Variants in ARAP2 observed in about 807,000 individuals in gnomAD.
The protein encoded by ARAP2 is ArfGAP with RhoGAP domain, ankyrin repeat and PH domain 2.
ARAP2 carries 148 observed loss-of-function variants against 194.5 expected under a neutral mutation model. The ratio of observed to expected loss-of-function variants is 0.76; its 90% confidence interval spans 0.67 to 0.87. The LOEUF is 0.87. Ranked by LOEUF, ARAP2 falls within the 40% of genes least tolerant of loss-of-function variation. The pLI, the probability that ARAP2 is intolerant of heterozygous loss-of-function variation, is 0.00. For missense variants in ARAP2, 2,128 were observed against 1,989.7 expected (o/e 1.07, Z -1.32); for synonymous variants, 695 against 683.5 (o/e 1.02, Z -0.26).
intron 6 of ARAP2, among the ~76,000 whole-genome samples, chr4:36,199,842 C>T (rs1340905443): frequency 6.6e-6 from 1 of 152,112 alleles, no homozygotes; most frequent in East Asian, 1.9e-4. Context: ...GTTCTTATCA[C>T]ACACACACAA....
chr4:36,175,465 CG>C (rs969347857), intron 9 of ARAP2, among the ~76,000 whole-genome samples: 2 of 152,098 alleles, frequency 1.3e-5, no homozygotes, highest in African/African-American at 4.8e-5. Context: ...TACATGAAAA[CG>C]GAATGGTATG....
chr4:36,021,677 C>G (rs927381001), intron 5 of ARAP2, among the ~76,000 whole-genome samples: 1 of 152,012 alleles, frequency 6.6e-6, no homozygotes, highest in Admixed American at 6.6e-5. Context: ...TAAAAATTGT[C>G]GAGTCTCAGG....
At chr4:36,167,500 T>C (rs1472620330) in intron 9 of ARAP2, among the ~76,000 whole-genome samples, 5 of 152,156 alleles carry the variant, frequency 3.3e-5, no homozygotes, top group African/African-American at 1.2e-4. Flanking sequence ...GCTAGTTGTA[T>C]GTGGTAGAAA....
At chr4:36,128,410 T>C (rs1724480417) in intron 21 of ARAP2, 123 bp downstream of exon 21, 2 of 691,200 alleles carry the variant, frequency 2.9e-6, no homozygotes, top group Non-Finnish European at 4.7e-6. Flanking sequence ...TCAATTAAAA[T>C]TTCAGCTTAT....
chr4:36,105,778 A>T (rs1222783341), intron 27 of ARAP2, among the ~76,000 whole-genome samples: 1 of 152,102 alleles, frequency 6.6e-6, no homozygotes, highest in East Asian at 1.9e-4. Flanking sequence ...ACCCTCAGAC[A>T]TACAGAACCT....
intron 20 of ARAP2, among the ~76,000 whole-genome samples, chr4:36,129,710 C>T (rs942305876): frequency 2.6e-5 from 4 of 151,814 alleles, no homozygotes; most frequent in Non-Finnish European, 5.9e-5. Context: ...CAATTCTCTT[C>T]TCTTCCTGCC....
intron 9 of ARAP2, among the ~76,000 whole-genome samples, chr4:36,171,784 TG>T (rs144388177): frequency 0.021 from 3,227 of 152,174 alleles, 97 homozygotes; most frequent in African/African-American, 0.072. Flanking sequence ...TGAAACCAAC[TG>T]AACATAGTAT....
intron 3 of ARAP2, among the ~76,000 whole-genome samples, chr4:36,049,954 C>T (rs933255904): frequency 4.6e-5 from 7 of 152,142 alleles, no homozygotes; most frequent in Admixed American, 2.6e-4. Context: ...GTATTTAAAA[C>T]GGTAATTTAT....
At chr4:36,164,642 A>G (rs1258986651) in intron 11 of ARAP2, among the ~76,000 whole-genome samples, 1 of 152,198 alleles carries the variant, frequency 6.6e-6, no homozygotes, top group Non-Finnish European at 1.5e-5. Flanking sequence ...ATACTCACCT[A>G]AAATCTAGAA....
intron 8 of ARAP2, among the ~76,000 whole-genome samples, chr4:36,182,561 G>C: frequency 6.6e-6 from 1 of 151,888 alleles, no homozygotes; most frequent in Admixed American, 6.6e-5. Context: ...AGCGTAAAGT[G>C]AACTGACATG....
Position 36,207,746 on chromosome 4 carries a change from T to C in ARAP2, c.1487+2644A>G, listed in dbSNP as rs558896787. Among the ~76,000 whole-genome samples, 9 of 152,306 alleles carry C rather than the reference T, an allele frequency of 5.9e-5. No individual in the cohort carries two copies. In the South Asian group the frequency reaches 1.9e-3, roughly 32 times the overall value. On this transcript the variant is annotated intron_variant, in intron 6 of 32. Coordinates refer to ENST00000303965, the MANE Select transcript of ARAP2 (RefSeq NM_015230.4). ...TATTTTGACAATTGTATTTTGATAA[T>C]TTATGTGCATGTCTTTAAGGGGGAA...
chr4:36,194,720 A>G (rs1742698412), intron 6 of ARAP2, among the ~76,000 whole-genome samples: 1 of 152,196 alleles, frequency 6.6e-6, no homozygotes, highest in African/African-American at 2.4e-5. Flanking sequence ...AAATTATACC[A>G]AATCTGATCA....
chr4:36,013,334 G>A (rs1714897992), intron 8 of ARAP2, among the ~76,000 whole-genome samples: 1 of 152,106 alleles, frequency 6.6e-6, no homozygotes, highest in African/African-American at 2.4e-5. Flanking sequence ...CAAAAGAATA[G>A]GAGGATAATA....
At chr4:36,194,501 T>C (rs908195397) in intron 6 of ARAP2, among the ~76,000 whole-genome samples, 7 of 152,218 alleles carry the variant, frequency 4.6e-5, no homozygotes, top group African/African-American at 1.2e-4. Context: ...ATCAACTCTG[T>C]CTACCTTGTG....
chr4:36,095,946 A>G (rs537326297), intron 27 of ARAP2, among the ~76,000 whole-genome samples: 2 of 152,302 alleles, frequency 1.3e-5, no homozygotes, highest in East Asian at 1.9e-4. Context: ...TAACGCACAC[A>G]CAAGATGTAT....
chr4:36,134,313 T>G (rs1438664747), intron 19 of ARAP2, among the ~76,000 whole-genome samples: 2 of 151,656 alleles, frequency 1.3e-5, no homozygotes, highest in Admixed American at 1.3e-4. Context: ...GCACCAAAAA[T>G]TTTCCACGTA....
At chr4:36,165,169 A>G in intron 10 of ARAP2, 56 bp from the exon 11 acceptor site, 2 of 1,542,222 alleles carry the variant, frequency 1.3e-6, no homozygotes, top group Non-Finnish European at 1.8e-6. Context: ...CCAATTAAGC[A>G]GTATGTTCAG....
intron 9 of ARAP2, among the ~76,000 whole-genome samples, chr4:36,173,139 G>A (rs1737033006): frequency 6.6e-6 from 1 of 152,050 alleles, no homozygotes; most frequent in South Asian, 2.1e-4. Context: ...ACATCTGGTT[G>A]TAATGAATTC....
At chr4:36,196,234 C>T (rs1321327495) in intron 6 of ARAP2, among the ~76,000 whole-genome samples, 1 of 152,220 alleles carries the variant, frequency 6.6e-6, no homozygotes, top group African/African-American at 2.4e-5. Flanking sequence ...AATTCCATCA[C>T]CATCTTGATA....
Sources: gnomAD v4.1 joint callset for allele counts (sites outside exome capture counted in the v4.1 genomes callset) on GRCh38, gnomAD v4.1.1 for gene constraint, MANE v1.5 for transcripts, NCBI Gene and HGNC (gene_info 2026-07-23, HGNC 2026-07-21) for gene names.